Variants in ATF7 observed in about 807,000 individuals in gnomAD.
ATF7 encodes activating transcription factor 7.
Under a neutral mutation model 50.4 loss-of-function variants are expected in ATF7, and 10 were observed. The ratio of observed to expected loss-of-function variants is 0.20; its 90% CI spans 0.12 to 0.34. The LOEUF is 0.34. ATF7 is among the 10% of genes least tolerant of loss of function. ATF7 has a pLI of 1.00. For missense variants in ATF7, 465 were observed against 613.9 expected (o/e 0.76, Z 2.56); for synonymous variants, 201 against 226.4 (o/e 0.89, Z 1.01).
rs908871818 is a variant in ATF7, at chr12:53,556,143, C to G, written c.49-3506G>C. ...AAAATATAATTTTAAGGAGATATGA[C>G]AAGTAGTAGCTTATGCAGGGCTGTA... On this transcript the variant is annotated intron_variant, in intron 2 of 11. Transcript: ENST00000420353. 2.0e-5 allele frequency among the ~76,000 whole-genome samples: 3 copies of G among 152,298 alleles called. No individual in the cohort carries two copies. In the East Asian group the frequency reaches 5.8e-4, roughly 29 times the overall value.
At chr12:53,587,844 T>TATATATATATATATTA (rs1491300296) in intron 2 of ATF7, among the ~76,000 whole-genome samples, 12 of 40,766 alleles carry the variant, frequency 2.9e-4, no homozygotes, top group Admixed American at 2.2e-3. Flanking sequence ...TATATATATA[T>TATATATATATATATTA]TTTTTTTTTT....
At chr12:53,575,832 A>C (rs565634862) in intron 2 of ATF7, 1 of 152,770 alleles carries the variant, frequency 6.5e-6, no homozygotes, top group Middle Eastern at 2.9e-3. Context: ...TTCTCACTGC[A>C]TATCAGAAAA....
At chr12:53,555,129 G>A (rs966239747) in intron 2 of ATF7, among the ~76,000 whole-genome samples, 5 of 151,962 alleles carry the variant, frequency 3.3e-5, no homozygotes, top group South Asian at 4.2e-4. Flanking sequence ...AGACCAGACT[G>A]GCCAACATGA....
intron 8 of ATF7, 64 bp downstream of exon 8, chr12:53,532,446 C>T: frequency 7.5e-7 from 1 of 1,325,516 alleles, no homozygotes; most frequent in South Asian, 1.3e-5. Flanking sequence ...CTTGAAAGAC[C>T]TAGGCTGGTA....
chr12:53,550,329 A>AT (rs1360756579), intron 3 of ATF7, among the ~76,000 whole-genome samples: 10 of 138,920 alleles, frequency 7.2e-5, no homozygotes, highest in Non-Finnish European at 1.2e-4. Flanking sequence ...GTCTCAAAAA[A>AT]AAAAATAAAT....
chr12:53,524,475 A>G lies in ATF7; in HGVS notation c.1125+89T>C. On this transcript the variant is annotated intron_variant, in intron 10 of 11. Coordinates refer to ENST00000420353, the MANE Select transcript of ATF7 (RefSeq NM_006856.3). This position sits in a 1 kb window ranked among gnomAD's most constrained non-coding sequence, Gnocchi z 4.6. ...GATCTGTCCTAATTAGAGAATTACC[A>G]TCTTCTATCAAATTGTACCACTTTT... The G allele has an allele frequency of 2.1e-6, 3 of 1,419,406 alleles. No individual in the cohort carries two copies. Among genetic ancestry groups the G allele is most frequent in the Non-Finnish European group, 2.0e-6 (2 of 1,024,946 alleles). The allele number at this position is 1,419,406 out of a possible 1,614,324, so 87.9% of individuals were successfully genotyped here.
chr12:53,582,518 C>A (rs757785001), intron 2 of ATF7, among the ~76,000 whole-genome samples: 27 of 151,956 alleles, frequency 1.8e-4, no homozygotes, highest in Non-Finnish European at 3.1e-4. Context: ...TAGAAAGCTA[C>A]AGTAGCAAAC....
Position 53,532,633 on chromosome 12 carries a change from G to C in ATF7, c.661-10C>G. ...ACACAGGTCTGGCCAGCTGGATCGA[G>C]AGAAGGAAAAAAAAAAAAAGAGAAG... On this transcript the variant is annotated splice_polypyrimidine_tract_variant and intron_variant, in intron 7 of 11. Transcript: ENST00000420353. 6.7e-7 allele frequency: 1 copy of C among 1,501,684 alleles called. No individual in the cohort carries two copies. The highest frequency in any genetic ancestry group is 1.5e-5 in the African/African-American group (1 of 66,962). 93.0% of individuals were successfully genotyped at this position (1,501,684 alleles called of 1,614,324 possible).
chr12:53,534,433 T>G (rs1182551887), intron 6 of ATF7, 69 bp downstream of exon 6: 2 of 1,595,310 alleles, frequency 1.3e-6, no homozygotes, highest in Non-Finnish European at 1.7e-6. Context: ...AGTCCCAGTT[T>G]TATCAAATAG....
intron 2 of ATF7, among the ~76,000 whole-genome samples, chr12:53,572,587 C>T (rs1161939687): frequency 6.6e-6 from 1 of 152,104 alleles, no homozygotes. Context: ...AGTACAGTAG[C>T]CTCCCCTTAC....
At chr12:53,573,193 T>C (rs892402922) in intron 2 of ATF7, among the ~76,000 whole-genome samples, 3 of 152,184 alleles carry the variant, frequency 2.0e-5, no homozygotes, top group Non-Finnish European at 4.4e-5. Flanking sequence ...TATTTTATTA[T>C]TAGTTGTTAA....
intron 2 of ATF7, among the ~76,000 whole-genome samples, chr12:53,580,581 G>A (rs1347178775): frequency 6.7e-6 from 1 of 148,468 alleles, no homozygotes; most frequent in African/African-American, 2.5e-5. Flanking sequence ...GGAGAATGGT[G>A]TGAACCCGGG....
chr12:53,609,169 T>G (rs1175810681), intron 1 of ATF7, among the ~76,000 whole-genome samples: 2 of 151,632 alleles, frequency 1.3e-5, no homozygotes, highest in African/African-American at 4.8e-5. Context: ...TTTTTTTTTT[T>G]TTGAGACAGG....
Position 53,534,550 on chromosome 12 carries a change from G to A in ATF7, c.512C>T (p.Ser171Phe). 6.2e-7 allele frequency: 1 copy of A among 1,613,912 alleles called. No homozygotes were observed. Among genetic ancestry groups the A allele is most frequent in the South Asian group, 1.1e-5 (1 of 91,070 alleles). ...AGCCTGTGTGATGACAGAGGTTGGG[G>A]AGGGAAGGGTTGGATGAAGTGGATC... The part of the protein sequence containing the change: ...GYDPLHPTLP[S>F]PTSVITQAPP... Residue 171 changes from serine (S) to phenylalanine (F), a missense_variant, in exon 6 of 12, where the codon TCC (serine) becomes TTC (phenylalanine). Ser to Phe is a radical substitution (Grantham distance 155). Coordinates refer to ENST00000420353, the MANE Select transcript of ATF7 (RefSeq NM_006856.3).
At chr12:53,610,360 T>C (rs369423611) in intron 1 of ATF7, among the ~76,000 whole-genome samples, 3 of 151,826 alleles carry the variant, frequency 2.0e-5, no homozygotes, top group South Asian at 2.1e-4. Flanking sequence ...AGGCCAGACG[T>C]TGAAGACCAG....
chr12:53,534,448 A>G (rs1272541689), intron 6 of ATF7, 54 bp downstream of exon 6: 17 of 1,602,668 alleles, frequency 1.1e-5, no homozygotes, highest in Middle Eastern at 3.3e-4. Context: ...AAATAGTTTC[A>G]TGTAATGGAA....
At chr12:53,563,384 G>T (rs1474760235) in intron 2 of ATF7, among the ~76,000 whole-genome samples, 5 of 152,132 alleles carry the variant, frequency 3.3e-5, no homozygotes, top group African/African-American at 1.2e-4. Context: ...GGGAGGCTGA[G>T]GCGGGAGAAT....
At chr12:53,557,692 C>G in intron 2 of ATF7, among the ~76,000 whole-genome samples, 1 of 152,126 alleles carries the variant, frequency 6.6e-6, no homozygotes, top group East Asian at 1.9e-4. Flanking sequence ...TCCTTTATGC[C>G]AAGACTAATT....
intron 2 of ATF7, among the ~76,000 whole-genome samples, chr12:53,570,775 GTA>G (rs201160260): frequency 0.015 from 1,790 of 122,742 alleles, 23 homozygotes; most frequent in East Asian, 0.06. Flanking sequence ...GTGTGTGTGT[GTA>G]TGTCCAATTT....
Sources: allele counts gnomAD v4.1 joint callset (sites outside exome capture counted in the v4.1 genomes callset), GRCh38; gene constraint gnomAD v4.1.1; non-coding constraint Gnocchi (gnomAD v3.1); transcripts MANE v1.5; gene names NCBI Gene and HGNC (gene_info 2026-07-23, HGNC 2026-07-21).